PRKD1: variants seen among roughly 807,000 people sequenced by gnomAD.
PRKD1 encodes the protein protein kinase D1.
In PRKD1, 63 loss-of-function variants were observed where a neutral mutation model predicts 95.9. The observed-to-expected ratio is 0.66, with a 90% CI of 0.54 to 0.81. The LOEUF is 0.81. Ranked by LOEUF, PRKD1 falls within the 30% of genes least tolerant of loss-of-function variation. The pLI, the probability that PRKD1 is intolerant of heterozygous loss-of-function variation, is 0.00. For synonymous variants in PRKD1, 425 were observed against 423.1 expected, an observed-to-expected ratio of 1.00 and a Z score of -0.05; for missense variants, 1,048 against 1,165.3, an observed-to-expected ratio of 0.90 and a Z score of 1.47.
intron 1 of PRKD1, among the ~76,000 whole-genome samples, chr14:29,926,445 A>G (rs1366297030): frequency 1.3e-5 from 2 of 152,144 alleles, no homozygotes; most frequent in Admixed American, 6.5e-5. Context: ...TTGCTACTGT[A>G]AACAGTGGTG....
At chr14:29,588,866 G>A (rs1893027297) in intron 16 of PRKD1, among the ~76,000 whole-genome samples, 1 of 150,718 alleles carries the variant, frequency 6.6e-6, no homozygotes, top group African/African-American at 2.4e-5. Context: ...TTCCCATCTG[G>A]TCTTAATTCC....
chr14:29,656,792 G>A (rs1881871594), intron 4 of PRKD1, among the ~76,000 whole-genome samples: 1 of 152,122 alleles, frequency 6.6e-6, no homozygotes, highest in Admixed American at 6.5e-5. Context: ...ACTTGTCATG[G>A]TCTCAGTGAT....
At position 29,755,207 on chromosome 14, in the gene PRKD1, C is replaced by A. The variant is rs116624612; in HGVS notation, c.265-29533G>T. Among the ~76,000 whole-genome samples the A allele has an allele frequency of 3.8e-3, 574 of 152,252 alleles. 5 individuals are homozygous for A. Among genetic ancestry groups the A allele is most frequent in the African/African-American group, 0.013 (530 of 41,564 alleles). On this transcript the variant is annotated intron_variant, in intron 1 of 17. Transcript: ENST00000331968. ...TGCTTTTTAAGACAGGTGGTCATTT[C>A]ATCTGCAAATAATTAGAGGCTTATC... is the stretch of plus-strand genomic sequence containing the variant.
chr14:29,714,089 T>G (rs1885473084), intron 2 of PRKD1, among the ~76,000 whole-genome samples: 1 of 152,134 alleles, frequency 6.6e-6, no homozygotes, highest in Non-Finnish European at 1.5e-5. Flanking sequence ...TACACCAGTA[T>G]TAAAAGCAGT....
chr14:29,921,928 A>C (rs149195291), intron 1 of PRKD1, among the ~76,000 whole-genome samples: 3,725 of 152,362 alleles, frequency 0.024, 84 homozygotes, highest in Middle Eastern at 0.051. Context: ...CCCATGGACT[A>C]CAAGGCTTAA....
chr14:29,626,083 G>A (rs1198433542), intron 12 of PRKD1, among the ~76,000 whole-genome samples: 1 of 151,966 alleles, frequency 6.6e-6, no homozygotes, highest in Admixed American at 6.6e-5. Context: ...AAAGACACTG[G>A]AAAGTTAAAT....
intron 1 of PRKD1, among the ~76,000 whole-genome samples, chr14:29,878,080 T>C (rs528654095): frequency 3.9e-5 from 6 of 152,258 alleles, no homozygotes; most frequent in East Asian, 3.9e-4. Context: ...TTCTCACTTA[T>C]AAGTGGGAGC....
chr14:29,581,326 C>G (rs185573713), intron 16 of PRKD1, among the ~76,000 whole-genome samples: 1 of 152,050 alleles, frequency 6.6e-6, no homozygotes, highest in Non-Finnish European at 1.5e-5. Context: ...TTGAATTATA[C>G]GCAAATATAT....
intron 1 of PRKD1, among the ~76,000 whole-genome samples, chr14:29,746,704 TCA>T (rs1887239100): frequency 6.6e-6 from 1 of 152,180 alleles, no homozygotes; most frequent in Non-Finnish European, 1.5e-5. Context: ...TAGCATATTT[TCA>T]TCATCCCTTC....
intron 1 of PRKD1, among the ~76,000 whole-genome samples, chr14:29,727,950 A>T (rs922598674): frequency 4.6e-5 from 7 of 151,766 alleles, no homozygotes; most frequent in Non-Finnish European, 8.8e-5. Context: ...CATAGGTGGG[A>T]ATTGAACAAT....
chr14:29,809,992 A>C (rs1338559841), intron 1 of PRKD1, among the ~76,000 whole-genome samples: 1 of 152,146 alleles, frequency 6.6e-6, no homozygotes, highest in Non-Finnish European at 1.5e-5. Context: ...TAATTGGCTT[A>C]ATTTCAATAT....
chr14:29,756,383 G>T (rs568842825), intron 1 of PRKD1, among the ~76,000 whole-genome samples: 2 of 152,214 alleles, frequency 1.3e-5, no homozygotes, highest in African/African-American at 2.4e-5. Context: ...AGTCATGAAG[G>T]TGTATTCAAA....
At chr14:29,861,082 A>C (rs536290880) in intron 1 of PRKD1, among the ~76,000 whole-genome samples, 2 of 152,232 alleles carry the variant, frequency 1.3e-5, no homozygotes, top group Non-Finnish European at 2.9e-5. Context: ...TATACTAAAC[A>C]AGCCAAATTA....
chr14:29,843,232 G>C (rs928269642), intron 1 of PRKD1, among the ~76,000 whole-genome samples: 13 of 152,146 alleles, frequency 8.5e-5, no homozygotes, highest in African/African-American at 2.9e-4. Flanking sequence ...TGAAGATACA[G>C]AGAGAAGATG....
chr14:29,601,108 A>C (rs1164259850), intron 13 of PRKD1, among the ~76,000 whole-genome samples: 1 of 152,196 alleles, frequency 6.6e-6, no homozygotes, highest in Non-Finnish European at 1.5e-5. Context: ...ACGTAAAATG[A>C]AATTTAAAAC....
chr14:29,769,853 A>G (rs569472119), intron 1 of PRKD1, among the ~76,000 whole-genome samples: 1 of 152,364 alleles, frequency 6.6e-6, no homozygotes, highest in South Asian at 2.1e-4. Context: ...TAAATTATGT[A>G]TTATAAATCA....
intron 1 of PRKD1, among the ~76,000 whole-genome samples, chr14:29,733,289 A>G (rs1362184412): frequency 6.6e-6 from 1 of 151,858 alleles, no homozygotes; most frequent in Non-Finnish European, 1.5e-5. Context: ...TTTTTAGTAC[A>G]GACGGGTTTT....
intron 1 of PRKD1, among the ~76,000 whole-genome samples, chr14:29,855,592 A>T (rs1251341776): frequency 6.6e-6 from 1 of 152,132 alleles, no homozygotes; most frequent in African/African-American, 2.4e-5. Flanking sequence ...GGAAGGCATG[A>T]TTGGTTTTGA....
intron 1 of PRKD1, among the ~76,000 whole-genome samples, chr14:29,904,159 A>G (rs1257193863): frequency 3.3e-5 from 5 of 152,306 alleles, no homozygotes; most frequent in Middle Eastern, 3.4e-3. Flanking sequence ...AATAAAACAG[A>G]TCTGCCTATA....
Sources: allele counts gnomAD v4.1 joint callset (sites outside exome capture counted in the v4.1 genomes callset), GRCh38; gene constraint gnomAD v4.1.1; transcripts MANE v1.5; gene names NCBI Gene and HGNC (gene_info 2026-07-23, HGNC 2026-07-21).